SAMD3: variants seen among roughly 807,000 people sequenced by gnomAD.
The protein encoded by SAMD3 is sterile alpha motif domain containing 3, also known as sterile alpha motif domain-containing protein 3.
A neutral mutation model predicts 58.5 loss-of-function variants in SAMD3; 63 were observed. The observed-to-expected ratio is 1.08, with a 90% CI of 0.88 to 1.33. The LOEUF is 1.33. Ranked by LOEUF, SAMD3 falls within the 40% of genes most tolerant of loss-of-function variation. The pLI, the probability that SAMD3 is intolerant of heterozygous loss-of-function variation, is 0.00. For synonymous variants in SAMD3, 220 were observed against 210.3 expected, an observed-to-expected ratio of 1.05 and a Z score of -0.40; for missense variants, 604 against 608.4, an observed-to-expected ratio of 0.99 and a Z score of 0.08.
chr6:130,344,868 TC>T (rs1777395553), intron 1 of SAMD3, among the ~76,000 whole-genome samples: 1 of 143,424 alleles, frequency 7.0e-6, no homozygotes, highest in South Asian at 2.3e-4. Context: ...AAGACTGCAT[TC>T]CTTTTACTTT....
At chr6:130,173,700 G>T (rs757727646) in intron 8 of SAMD3, among the ~76,000 whole-genome samples, 1 of 152,200 alleles carries the variant, frequency 6.6e-6, no homozygotes, top group Non-Finnish European at 1.5e-5. Flanking sequence ...AGCAGAGCTG[G>T]TGCGCTGTGC....
chr6:130,153,662 A>ATATATATATATATATATATATATATT lies in SAMD3; in HGVS notation c.1023+1162_1023+1163insAATATATATATATATATATATATATA, dbSNP rs1423735345. Among the ~76,000 whole-genome samples, 8 of 131,264 alleles carry ATATATATATATATATATATATATATT rather than the reference A, an allele frequency of 6.1e-5. No homozygotes were observed. In the South Asian group the frequency reaches 7.7e-4, roughly 13 times the overall value. The allele number at this position is 131,264 out of a possible 152,430, so 86.1% of individuals were successfully genotyped here. ...CATTAAATTTCATATATATATATATATATTTATTTATTTATTTATTTTTTA... is the reference window on the plus strand; with the variant it reads ...CATTAAATTTCATATATATATATATATATATATATATATATATATATATATTTATTTATTTATTTATTTATTTTTTA... On this transcript the variant is annotated intron_variant, in intron 9 of 11. Coordinates refer to ENST00000439090, the MANE Select transcript of SAMD3 (RefSeq NM_001017373.4).
intron 7 of SAMD3, chr6:130,183,035 G>C (rs1792517587): frequency 3.8e-6 from 1 of 264,510 alleles, no homozygotes; most frequent in Non-Finnish European, 7.5e-6. Context: ...GTTCAATAGT[G>C]TTGATTATAT....
At position 130,270,450 on chromosome 6, in the gene SAMD3, T is replaced by C. The variant is rs567139390; in HGVS notation, c.-188+42528A>G. Among the ~76,000 whole-genome samples, 6 of 152,314 alleles carry C rather than the reference T, an allele frequency of 3.9e-5. No individual in the cohort carries two copies. The East Asian group carries it at 9.6e-4, about 24-fold the overall frequency. On this transcript the variant is annotated intron_variant, in intron 2 of 13. Coordinates refer to the SAMD3 transcript ENST00000368134. ...CTCAAACATGTAGGTTAGCTCCATA[T>C]CTTGTGATGTTTTCTAGGACGTCAT...
intron 4 of SAMD3, among the ~76,000 whole-genome samples, chr6:130,211,998 T>C (rs1358447260): frequency 6.6e-6 from 1 of 150,916 alleles, no homozygotes; most frequent in East Asian, 1.9e-4. Flanking sequence ...AAGCTAAAAC[T>C]AAAAGGGGTC....
intron 1 of SAMD3, among the ~76,000 whole-genome samples, chr6:130,337,495 C>G (rs74364572): frequency 0.061 from 9,355 of 152,126 alleles, 613 homozygotes; most frequent in East Asian, 0.29. Flanking sequence ...GGGAATGGTA[C>G]CCCCTGCCTT....
chr6:130,181,853 A>G (rs553996496), intron 7 of SAMD3, among the ~76,000 whole-genome samples: 3 of 152,200 alleles, frequency 2.0e-5, no homozygotes, highest in African/African-American at 7.2e-5. Flanking sequence ...AATTTAAAAA[A>G]AAAACACAAG....
intron 5 of SAMD3, among the ~76,000 whole-genome samples, chr6:130,206,426 G>A (rs374809924): frequency 6.6e-6 from 1 of 152,186 alleles, no homozygotes; most frequent in African/African-American, 2.4e-5. Flanking sequence ...GAGACAACCC[G>A]TGAGAAAAGT....
chr6:130,206,171 A>G (rs1350329162), intron 5 of SAMD3, among the ~76,000 whole-genome samples: 1 of 152,230 alleles, frequency 6.6e-6, no homozygotes, highest in Non-Finnish European at 1.5e-5. Flanking sequence ...GTGATTGCCC[A>G]GGAGGGGACA....
At chr6:130,224,097 G>T (rs548571959), upstream of SAMD3, among the ~76,000 whole-genome samples, 1 of 151,868 alleles carries the variant, frequency 6.6e-6, no homozygotes, top group East Asian at 1.9e-4. Flanking sequence ...GAGTCAGGCC[G>T]CTCAGTGGCC....
chr6:130,197,317 T>A (rs1484913291), intron 5 of SAMD3, among the ~76,000 whole-genome samples: 2 of 152,238 alleles, frequency 1.3e-5, no homozygotes, highest in Non-Finnish European at 2.9e-5. Flanking sequence ...TACTCATACA[T>A]GCCCTGCTCT....
intron 7 of SAMD3, among the ~76,000 whole-genome samples, chr6:130,180,953 CTTTT>C (rs370213784): frequency 8.5e-6 from 1 of 117,362 alleles, no homozygotes; most frequent in African/African-American, 3.2e-5. Context: ...TTCTTTCTTT[CTTTT>C]TTCTTTTGAG....
In SAMD3 at chr6:130,175,709, T is replaced by C. The variant is rs2114668708; in HGVS notation, c.822+132A>G. 4 of 580,160 alleles carry C rather than the reference T, an allele frequency of 6.9e-6. No homozygotes were observed. In the East Asian group the frequency reaches 1.2e-4, roughly 17 times the overall value. 35.9% of individuals were successfully genotyped at this position (580,160 alleles called of 1,614,324 possible). ...AGCCAGGCAAAACAGACTTTCTTGG[T>C]TCTTAACTACACTTCAAATTTTAAA... On this transcript the variant is annotated intron_variant, in intron 8 of 11. Transcript: ENST00000439090.
intron 5 of SAMD3, among the ~76,000 whole-genome samples, chr6:130,207,391 T>A (rs2114814722): frequency 6.6e-6 from 1 of 152,104 alleles, no homozygotes; most frequent in African/African-American, 2.4e-5. Flanking sequence ...AACAACACCA[T>A]GAGAAAGTAT....
At chr6:130,209,645 G>A (rs949953637) in intron 4 of SAMD3, 37 bp from the exon 5 acceptor site, 1 of 1,318,844 alleles carries the variant, frequency 7.6e-7, no homozygotes, top group Non-Finnish European at 1.1e-6. Flanking sequence ...CTATTCAAGA[G>A]GTGATATGAC....
chr6:130,223,650 C>G (rs1303942763), upstream of SAMD3, among the ~76,000 whole-genome samples: 1 of 152,190 alleles, frequency 6.6e-6, no homozygotes, highest in East Asian at 1.9e-4. Context: ...TGCAGTGTGA[C>G]TCAAAGTGAA....
At chr6:130,325,977 T>C (rs1351807904) in intron 1 of SAMD3, among the ~76,000 whole-genome samples, 1 of 152,210 alleles carries the variant, frequency 6.6e-6, no homozygotes, top group Non-Finnish European at 1.5e-5. Flanking sequence ...CTCCCTTACA[T>C]GACTGCATCT....
At chr6:130,275,168 C>A (rs1360973808) in intron 2 of SAMD3, among the ~76,000 whole-genome samples, 3 of 152,008 alleles carry the variant, frequency 2.0e-5, no homozygotes, top group Non-Finnish European at 4.4e-5. Context: ...CTTGTGGTGT[C>A]ATTTATTTAT....
intron 2 of SAMD3, among the ~76,000 whole-genome samples, chr6:130,292,300 C>T (rs1486495310): frequency 2.2e-5 from 3 of 136,692 alleles, no homozygotes; most frequent in African/African-American, 5.8e-5. Context: ...GACGGAGTCT[C>T]GCTCTTGTCA....
Sources: gnomAD v4.1 joint callset for allele counts (sites outside exome capture counted in the v4.1 genomes callset) on GRCh38, gnomAD v4.1.1 for gene constraint, MANE v1.5 for transcripts, NCBI Gene and HGNC (gene_info 2026-07-23, HGNC 2026-07-21) for gene names.